PRPF8: variants seen among roughly 807,000 people sequenced by gnomAD.
PRPF8 encodes the protein pre-mRNA processing factor 8, also known as pre-mRNA-processing-splicing factor 8.
Under a neutral mutation model 285.9 loss-of-function variants are expected in PRPF8, and 64 were observed. The ratio of observed to expected loss-of-function variants is 0.22; its 90% confidence interval spans 0.18 to 0.28. The LOEUF is 0.28. Ranked by LOEUF, PRPF8 falls within the 10% of genes least tolerant of loss-of-function variation. The pLI, the probability that PRPF8 is intolerant of heterozygous loss-of-function variation, is 1.00. For synonymous variants in PRPF8, 1,325 were observed against 1,118.2 expected (o/e 1.18, Z -3.69); for missense variants, 1,426 against 3,026.7 (o/e 0.47, Z 12.41).
chr17:1,680,882 A>C, intron 7 of PRPF8, 47 bp downstream of exon 7: 2 of 1,614,148 alleles, frequency 1.2e-6, no homozygotes, highest in South Asian at 1.1e-5. Context: ...GGCCCAACCT[A>C]AACAGCAGCC....
chr17:1,665,607 G>A (rs1249267410), intron 24 of PRPF8, among the ~76,000 whole-genome samples: 1 of 151,896 alleles, frequency 6.6e-6, no homozygotes, highest in Non-Finnish European at 1.5e-5. Flanking sequence ...ACTTTGGGAG[G>A]ACGAGGCAGG....
At chr17:1,652,176 T>C (rs1911115018) in intron 39 of PRPF8, 1 of 361,896 alleles carries the variant, frequency 2.8e-6, no homozygotes, top group Non-Finnish European at 5.3e-6. Context: ...AAAGAGGATC[T>C]GTTTACTATA....
In PRPF8 at chr17:1,658,109, A is replaced by T; in HGVS notation, c.5505+144T>A. On this transcript the variant is annotated intron_variant, in intron 34 of 42. Transcript: ENST00000304992. This position sits in a 1 kb window ranked among gnomAD's most constrained non-coding sequence, Gnocchi z 4.1. ...TCATACACTCTTGGACCTCCCACAGAATACTTCCCAAGGTATTTTGGGGAT... is the reference window on the plus strand; with the variant it reads ...TCATACACTCTTGGACCTCCCACAGTATACTTCCCAAGGTATTTTGGGGAT... 1 of 1,280,842 alleles carries T rather than the reference A, an allele frequency of 7.8e-7. No homozygotes were observed. 79.3% of individuals were successfully genotyped at this position (1,280,842 alleles called of 1,614,324 possible).
At position 1,661,936 on chromosome 17, in the gene PRPF8, C is replaced by T; in HGVS notation, c.3992G>A (p.Gly1331Asp). ...GTCGGATTGGGGGATGAGCACATGG[C>T]CCATTGAGAGCATGCCGAGTCCACC... ...ELGGLGMLSM[G>D]HVLIPQSDLR... Residue 1331 changes from glycine (G) to aspartate (D), a missense_variant, in exon 25 of 43, where the codon GGC becomes GAC. Gly to Asp is a moderately conservative substitution (Grantham distance 94, BLOSUM62 -1). Coordinates refer to ENST00000304992, the MANE Select transcript of PRPF8 (RefSeq NM_006445.4). This position sits in a 1 kb window ranked among gnomAD's most constrained non-coding sequence, Gnocchi z 7.3. The T allele has an allele frequency of 6.2e-7, 1 of 1,614,098 alleles. No individual in the cohort carries two copies. Among genetic ancestry groups the T allele is most frequent in the Non-Finnish European group, 8.5e-7 (1 of 1,180,028 alleles).
At position 1,682,222 on chromosome 17, in the gene PRPF8, C is replaced by T. The variant is rs1382314107; in HGVS notation, c.341G>A (p.Arg114Gln). ...ENMPMPWEQI[R>Q]DVPVLYHITG... The stretch of plus-strand genomic sequence containing the variant: ...GATGTGGTACAGCACAGGCACATCC[C>T]GAATCTGCTCCCAAGGCATAGGCAT... Residue 114 changes from arginine to glutamine, a missense_variant, in exon 4 of 43, where the codon CGG becomes CAG. Around this residue, in one of 34 missense-constraint regions of PRPF8, gnomAD observed 96 missense variants for 188.3 expected, o/e 0.51. Coordinates refer to ENST00000304992, the MANE Select transcript of PRPF8 (RefSeq NM_006445.4). 1 of 1,613,976 alleles carries T rather than the reference C, an allele frequency of 6.2e-7. No individual in the cohort carries two copies. The highest frequency in any genetic ancestry group is 1.7e-5 in the Admixed American group (1 of 59,980).
In PRPF8 at chr17:1,661,550, C is replaced by T; in HGVS notation, c.4202+61G>A. 1.2e-6 allele frequency: 2 copies of T among 1,610,748 alleles called. No individual in the cohort carries two copies. Among genetic ancestry groups the T allele is most frequent in the East Asian group, 2.2e-5 (1 of 44,880 alleles). ...TGGCATGCTCTGACCCTGAACTCCACACGGTTCAAAGGCCACCACTGCCCC... is the reference window on the plus strand; with the variant it reads ...TGGCATGCTCTGACCCTGAACTCCATACGGTTCAAAGGCCACCACTGCCCC... On this transcript the variant is annotated intron_variant, in intron 26 of 42. Coordinates refer to ENST00000304992, the MANE Select transcript of PRPF8 (RefSeq NM_006445.4). The surrounding 1 kb of genome is among the most constrained non-coding windows in gnomAD (Gnocchi z 7.3).
In PRPF8 at chr17:1,679,307, T is replaced by C. The variant is rs1476803040; in HGVS notation, c.1393A>G (p.Lys465Glu). Reference sequence around the variant, plus strand: ...GCACCTTACCTCTTCTTTTGAGCCTTAGGGGGCCGATGCTTCAGGGCATTC... The same window carrying C: ...GCACCTTACCTCTTCTTTTGAGCCTCAGGGGGCCGATGCTTCAGGGCATTC... ...VLNALKHRPP[K>E]AQKKRYLFRS... Residue 465 changes from lysine (K) to glutamate (E), a missense_variant, in exon 10 of 43, where the codon AAG becomes GAG. By Grantham distance (56) the Lys-to-Glu change is moderately conservative. Transcript: ENST00000304992. The surrounding 1 kb of genome is among the most constrained non-coding windows in gnomAD (Gnocchi z 4.7). 2 of 1,614,098 alleles carry C rather than the reference T, an allele frequency of 1.2e-6. No homozygotes were observed. The highest frequency in any genetic ancestry group is 1.7e-5 in the Admixed American group (1 of 60,008).
At position 1,684,542 on chromosome 17, in the gene PRPF8, C is replaced by A. The variant is rs1264779899; in HGVS notation, c.30G>T (p.Pro10=). 5.6e-6 allele frequency: 9 copies of A among 1,612,568 alleles called. No homozygotes were observed. In the South Asian group the frequency reaches 8.8e-5, roughly 16 times the overall value. The change falls in exon 2 of 43, where the codon CCG becomes CCT. Residue 10 remains proline (P), a synonymous_variant. Coordinates refer to ENST00000304992, the MANE Select transcript of PRPF8 (RefSeq NM_006445.4). The part of the protein sequence containing the change: MAGVFPYRG[P]GNPVPGPLAP... ...CTAGAGGGCCAGGCACCGGGTTACCCGGCCCTCGATAAGGAAACACTCCGG... is the reference window on the plus strand; with the variant it reads ...CTAGAGGGCCAGGCACCGGGTTACCAGGCCCTCGATAAGGAAACACTCCGG...
rs1328275712 is a variant in PRPF8 at position 1,684,810 on chromosome 17, C to A, written c.-42G>T. On this transcript the variant is annotated 5_prime_UTR_variant, in exon 1 of 43. Transcript: ENST00000304992. ...AGGCCCTCACACAAGAGGCCGCTTT[C>A]CCCGCAGCGCAATGGCGGCCAGACT... The A allele has an allele frequency of 6.7e-6, 4 of 598,332 alleles. No individual in the cohort carries two copies. The highest frequency in any genetic ancestry group is 2.8e-5 in the East Asian group (1 of 36,036). The allele number at this position is 598,332 out of a possible 1,614,324, so 37.1% of individuals were successfully genotyped here.
Position 1,673,766 on chromosome 17 carries a change from G to T in PRPF8, c.3426C>A (p.Leu1142=), listed in dbSNP as rs1456167698. ...KCWPRDARMR[L]MKHDVNLGRA... is the part of the protein sequence containing the mutation. The stretch of plus-strand genomic sequence containing the variant: ...CTCACAAGTTAACATCATGTTTCAT[G>T]AGGCGCATGCGGGCATCTCGGGGCC... The change falls in exon 22 of 43, where the codon CTC becomes CTA. Residue 1142 remains leucine, a synonymous_variant. Transcript: ENST00000304992. This position sits in a 1 kb window ranked among gnomAD's most constrained non-coding sequence, Gnocchi z 5.5. The T allele has an allele frequency of 1.9e-6, 3 of 1,614,074 alleles. No homozygotes were observed. Among genetic ancestry groups the T allele is most frequent in the Middle Eastern group, 1.7e-4 (1 of 6,028 alleles).
intron 21 of PRPF8, among the ~76,000 whole-genome samples, 167 bp downstream of exon 21, chr17:1,674,275 G>A (rs746835484): frequency 1.3e-5 from 2 of 152,154 alleles, no homozygotes; most frequent in Non-Finnish European, 2.9e-5. Flanking sequence ...GCCTGCCTCG[G>A]CCTCCCAAAG....
Position 1,673,054 on chromosome 17 carries a change from G to A in PRPF8, c.3774+27C>T, listed in dbSNP as rs772134636. On this transcript the variant is annotated intron_variant, in intron 24 of 42. Coordinates refer to ENST00000304992, the MANE Select transcript of PRPF8 (RefSeq NM_006445.4). The surrounding 1 kb of genome is among the most constrained non-coding windows in gnomAD (Gnocchi z 5.5). Reference sequence around the variant, plus strand: ...GAGCAGAGGACAGCAGAGGACAAGAGGGAAGCTGGGCATGACGGCCCTGTA... The same window carrying A: ...GAGCAGAGGACAGCAGAGGACAAGAAGGAAGCTGGGCATGACGGCCCTGTA... The A allele has an allele frequency of 1.2e-6, 2 of 1,600,834 alleles. No individual in the cohort carries two copies. Among genetic ancestry groups the A allele is most frequent in the South Asian group, 1.1e-5 (1 of 90,832 alleles).
In PRPF8 at chr17:1,673,230, G is replaced by A. The variant is rs368060971; in HGVS notation, c.3658-33C>T. On this transcript the variant is annotated intron_variant, in intron 23 of 42. Transcript: ENST00000304992. This position sits in a 1 kb window ranked among gnomAD's most constrained non-coding sequence, Gnocchi z 5.5. ...ACAAAGTCAAGGTTAACATGTCCGAGGAACTCCCACAGAAGCAAGAGCCAA... is the reference window on the plus strand; with the variant it reads ...ACAAAGTCAAGGTTAACATGTCCGAAGAACTCCCACAGAAGCAAGAGCCAA... The A allele has an allele frequency of 2.5e-6, 4 of 1,611,270 alleles. No individual in the cohort carries two copies. In the African/African-American group the frequency reaches 5.3e-5, roughly 22 times the overall value.
rs112428524 is a variant in PRPF8 at position 1,682,901 on chromosome 17, C to G, written c.270-608G>C. 1,126 of 177,848 alleles carry G rather than the reference C, an allele frequency of 6.3e-3. 15 individuals are homozygous for G. Among genetic ancestry groups the G allele is most frequent in the African/African-American group, 0.025 (1,060 of 41,716 alleles). The allele number at this position is 177,848 out of a possible 1,614,324, so 11.0% of individuals were successfully genotyped here. On this transcript the variant is annotated intron_variant, in intron 3 of 42. Coordinates refer to ENST00000304992, the MANE Select transcript of PRPF8 (RefSeq NM_006445.4). ...CCTCTGAAATTAAATACCCCAAACA[C>G]AGAATTCAGGTCCCTGAGGAGCGAC...
intron 30 of PRPF8, 59 bp from the exon 31 acceptor site, chr17:1,660,060 T>C (rs1203440863): frequency 6.4e-7 from 1 of 1,569,796 alleles, no homozygotes; most frequent in African/African-American, 1.4e-5. Flanking sequence ...AAATCAGAGT[T>C]TGTACAATAA....
At chr17:1,674,891 C>G (rs1382733801) in intron 20 of PRPF8, among the ~76,000 whole-genome samples, 2 of 152,186 alleles carry the variant, frequency 1.3e-5, no homozygotes, top group African/African-American at 2.4e-5. Flanking sequence ...CCTGCCTCAG[C>G]CTCCCAAGTA....
chr17:1,653,336 C>A lies in PRPF8; in HGVS notation c.6369+206G>T. 1 of 679,650 alleles carries A rather than the reference C, an allele frequency of 1.5e-6. No homozygotes were observed. Among genetic ancestry groups the A allele is most frequent in the Non-Finnish European group, 2.6e-6 (1 of 385,508 alleles). The allele number at this position is 679,650 out of a possible 1,614,324, so 42.1% of individuals were successfully genotyped here. On this transcript the variant is annotated intron_variant, in intron 39 of 42. Coordinates refer to ENST00000304992, the MANE Select transcript of PRPF8 (RefSeq NM_006445.4). This position sits in a 1 kb window ranked among gnomAD's most constrained non-coding sequence, Gnocchi z 4.9. The stretch of plus-strand genomic sequence containing the variant: ...TCTTCCAAATACTATCAGGCCAATA[C>A]TACAATTACTACCTTCTCTCAGCTG...
rs534458995 is a variant in PRPF8 at position 1,675,110 on chromosome 17, G to A, written c.3060+42C>T. ...AATTCTGAGTCAGTGGGCCAGACAA[G>A]CACTCCACACACAATTCCATGCTAC... On this transcript the variant is annotated intron_variant, in intron 20 of 42. Coordinates refer to ENST00000304992, the MANE Select transcript of PRPF8 (RefSeq NM_006445.4). The surrounding 1 kb of genome is among the most constrained non-coding windows in gnomAD (Gnocchi z 6.0). The A allele has an allele frequency of 8.1e-6, 13 of 1,609,360 alleles. No individual in the cohort carries two copies. Among genetic ancestry groups the A allele is most frequent in the African/African-American group, 1.3e-5 (1 of 74,920 alleles).
chr17:1,659,155 A>G lies in PRPF8; in HGVS notation c.5138+202T>C. 2 of 681,924 alleles carry G rather than the reference A, an allele frequency of 2.9e-6. No individual in the cohort carries two copies. The highest frequency in any genetic ancestry group is 5.2e-6 in the Non-Finnish European group (2 of 385,768). 42.2% of individuals were successfully genotyped at this position (681,924 alleles called of 1,614,324 possible). A position where few individuals can be genotyped will look rare whatever the true frequency, so the allele number is the denominator to read the frequency against. ...ATTCTCCCACCTCAACCTTCTGAGT[A>G]GCTGGGACTACAGGCGTGGACCACC... is the stretch of plus-strand genomic sequence containing the variant. On this transcript the variant is annotated intron_variant, in intron 32 of 42. Transcript: ENST00000304992. The surrounding 1 kb of genome is among the most constrained non-coding windows in gnomAD (Gnocchi z 5.1).
Sources: gnomAD v4.1 joint callset for allele counts (sites outside exome capture counted in the v4.1 genomes callset) on GRCh38, gnomAD v4.1.1 for gene constraint, gnomAD v4.1.1 regional missense constraint, Gnocchi (gnomAD v3.1) non-coding constraint, MANE v1.5 for transcripts, NCBI Gene and HGNC (gene_info 2026-07-23, HGNC 2026-07-21) for gene names.